Variants in TANGO6 observed in about 807,000 individuals in gnomAD.
TANGO6 encodes transport and golgi organization 6 homolog.
In TANGO6, 90 loss-of-function variants were observed where a neutral mutation model predicts 114.2. The observed-to-expected ratio is 0.79, with a 90% CI of 0.66 to 0.94. The LOEUF (loss-of-function observed/expected upper bound fraction) is 0.94, where lower values mean the gene tolerates loss of function less well. TANGO6 is among the 40% of genes least tolerant of loss of function. TANGO6 has a pLI of 0.00. For missense variants in TANGO6, 1,274 were observed against 1,315.3 expected (o/e 0.97, Z 0.49); for synonymous variants, 477 against 509.8 (o/e 0.94, Z 0.87).
At chr16:68,907,671 A>C in intron 10 of TANGO6, 96 bp downstream of exon 10, 15 of 1,351,134 alleles carry the variant, frequency 1.1e-5, no homozygotes, top group Non-Finnish European at 1.5e-5. Flanking sequence ...AGGTCCTAAA[A>C]TGTAGGCCCT....
intron 17 of TANGO6, among the ~76,000 whole-genome samples, chr16:69,070,358 C>T (rs1435134721): frequency 2.6e-5 from 4 of 151,890 alleles, no homozygotes; most frequent in South Asian, 2.1e-4. Flanking sequence ...TGGGGCCAGG[C>T]GCAGTGGCTC....
intron 15 of TANGO6, among the ~76,000 whole-genome samples, chr16:69,004,108 A>T (rs930080990): frequency 1.3e-5 from 2 of 152,172 alleles, no homozygotes; most frequent in African/African-American, 4.8e-5. Flanking sequence ...TAATGAGTTT[A>T]AATTAAATGA....
intron 17 of TANGO6, among the ~76,000 whole-genome samples, chr16:69,081,095 G>A (rs879340895): frequency 2.0e-5 from 3 of 152,030 alleles, no homozygotes; most frequent in East Asian, 1.9e-4. Context: ...CCAAGAGTGC[G>A]CCACTGCACT....
At chr16:68,932,001 C>T (rs925670207) in intron 14 of TANGO6, among the ~76,000 whole-genome samples, 9 of 151,380 alleles carry the variant, frequency 5.9e-5, no homozygotes, top group South Asian at 2.1e-4. Flanking sequence ...TCAGCCACCA[C>T]GCCCAGCCGA....
chr16:69,045,086 G>A (rs1361628853), intron 17 of TANGO6, among the ~76,000 whole-genome samples: 1 of 148,858 alleles, frequency 6.7e-6, no homozygotes, highest in African/African-American at 2.5e-5. Flanking sequence ...GAACCGGGAG[G>A]CAAAGGTTAC....
chr16:68,891,407 C>T (rs887367981), intron 7 of TANGO6, among the ~76,000 whole-genome samples: 1 of 152,072 alleles, frequency 6.6e-6, no homozygotes, highest in African/African-American at 2.4e-5. Context: ...TTGCAGTGAG[C>T]CAAGATTGCA....
Position 68,919,100 on chromosome 16 carries a change from G to A in TANGO6, c.2008G>A (p.Ala670Thr), listed in dbSNP as rs886255025. 9 of 1,612,828 alleles carry A rather than the reference G, an allele frequency of 5.6e-6. No homozygotes were observed. Among genetic ancestry groups the A allele is most frequent in the Middle Eastern group, 3.3e-4 (2 of 6,060 alleles). Reference protein sequence around the residue: ...TNVTQVVDFVAATLQRACASL... With the variant: ...TNVTQVVDFVTATLQRACASL... Reference sequence around the variant, plus strand: ...TTTTGGGTAGGTGGTGGACTTTGTAGCAGCAACATTGCAGAGAGCCTGTGC... The same window carrying A: ...TTTTGGGTAGGTGGTGGACTTTGTAACAGCAACATTGCAGAGAGCCTGTGC... Residue 670 changes from alanine to threonine, a missense_variant, in exon 12 of 18, where the codon GCA (alanine) becomes ACA (threonine). By Grantham distance (58) the Ala-to-Thr change is moderately conservative. Coordinates refer to ENST00000261778, the MANE Select transcript of TANGO6 (RefSeq NM_024562.2).
intron 5 of TANGO6, among the ~76,000 whole-genome samples, chr16:68,877,691 T>C (rs910024178): frequency 1.3e-5 from 2 of 151,768 alleles, no homozygotes; most frequent in Non-Finnish European, 2.9e-5. Context: ...CACTGCAAGC[T>C]CTGCTTCCCA....
chr16:68,934,274 G>A (rs547771150), intron 14 of TANGO6, among the ~76,000 whole-genome samples: 54 of 151,986 alleles, frequency 3.6e-4, no homozygotes, highest in Non-Finnish European at 6.9e-4. Flanking sequence ...CAAACTCCTA[G>A]ACTTAAGCAA....
At chr16:69,074,461 G>A (rs1260605394) in intron 17 of TANGO6, among the ~76,000 whole-genome samples, 2 of 152,064 alleles carry the variant, frequency 1.3e-5, no homozygotes, top group Non-Finnish European at 2.9e-5. Context: ...CCCGAAAGAG[G>A]AGGAACGTGT....
At chr16:68,945,375 T>A (rs1215676214) in intron 14 of TANGO6, among the ~76,000 whole-genome samples, 2 of 151,954 alleles carry the variant, frequency 1.3e-5, no homozygotes, top group African/African-American at 4.8e-5. Context: ...TTTATTTTAT[T>A]TTTTTTTAAT....
chr16:69,082,460 T>G (rs957142700), intron 17 of TANGO6, among the ~76,000 whole-genome samples: 2 of 151,596 alleles, frequency 1.3e-5, no homozygotes, highest in Non-Finnish European at 2.9e-5. Flanking sequence ...AGAAATAGCC[T>G]CCTAGGCCAG....
At chr16:68,926,108 A>G (rs1015010256) in intron 12 of TANGO6, among the ~76,000 whole-genome samples, 1 of 151,944 alleles carries the variant, frequency 6.6e-6, no homozygotes, top group Non-Finnish European at 1.5e-5. Context: ...CTGTAGGTAA[A>G]TTATTCTCAT....
intron 14 of TANGO6, among the ~76,000 whole-genome samples, chr16:68,944,409 C>G (rs1378009018): frequency 1.3e-5 from 2 of 152,134 alleles, no homozygotes. Flanking sequence ...AATTCTTTCA[C>G]CCAGGCCTCA....
chr16:68,967,408 C>A (rs1963657068), intron 14 of TANGO6, among the ~76,000 whole-genome samples: 1 of 152,172 alleles, frequency 6.6e-6, no homozygotes, highest in African/African-American at 2.4e-5. Flanking sequence ...CCTTGCTGCT[C>A]ACCTCCTGCT....
intron 16 of TANGO6, among the ~76,000 whole-genome samples, chr16:69,036,455 C>A (rs900826321): frequency 2.0e-5 from 3 of 152,156 alleles, no homozygotes; most frequent in Non-Finnish European, 4.4e-5. Context: ...GTCCTGGTGA[C>A]AGAGGGGTTG....
chr16:68,994,440 AG>A (rs1324705946), intron 15 of TANGO6, among the ~76,000 whole-genome samples: 4 of 152,142 alleles, frequency 2.6e-5, no homozygotes, highest in Non-Finnish European at 5.9e-5. Context: ...ATCTCTAGAA[AG>A]TAATCAAATT....
At chr16:69,051,874 T>C (rs2152237426) in intron 17 of TANGO6, among the ~76,000 whole-genome samples, 1 of 151,768 alleles carries the variant, frequency 6.6e-6, no homozygotes, top group East Asian at 1.9e-4. Context: ...ATATATTTTT[T>C]CCATATTTAC....
chr16:68,914,818 A>G (rs1597017705), intron 11 of TANGO6, among the ~76,000 whole-genome samples: 1 of 151,434 alleles, frequency 6.6e-6, no homozygotes, highest in East Asian at 1.9e-4. Flanking sequence ...TTTGGCAGAA[A>G]GGCTACTTCA....
Sources: allele counts gnomAD v4.1 joint callset (sites outside exome capture counted in the v4.1 genomes callset), GRCh38; gene constraint gnomAD v4.1.1; transcripts MANE v1.5; gene names NCBI Gene and HGNC (gene_info 2026-07-23, HGNC 2026-07-21).